The following FAM78B variants were observed in gnomAD, a reference collection of about 807,000 sequenced individuals.
FAM78B encodes protein FAM78B.
A neutral mutation model predicts 20.0 loss-of-function variants in FAM78B; 10 were observed. That is an observed-to-expected ratio of 0.50 (90% CI 0.31 to 0.85). The LOEUF is 0.85. Among genes scored for constraint, FAM78B ranks in the 40% least tolerant of loss-of-function variants. The pLI is 0.05. For missense variants in FAM78B, 283 were observed against 345.0 expected (o/e 0.82, Z 1.42); for synonymous variants, 135 against 132.8 (o/e 1.02, Z -0.12).
At chr1:166,125,436 C>G (rs1207972214) in intron 1 of FAM78B, among the ~76,000 whole-genome samples, 1 of 152,298 alleles carries the variant, frequency 6.6e-6, no homozygotes, top group African/African-American at 2.4e-5. Context: ...TCATTAAACA[C>G]GGTCCATCTT....
At chr1:166,067,216 C>T (rs185015398), downstream of FAM78B, among the ~76,000 whole-genome samples, 69 of 151,954 alleles carry the variant, frequency 4.5e-4, no homozygotes, top group Admixed American at 4.1e-3. Context: ...GGAGATGGGG[C>T]CTTCTCTTGG....
chr1:166,097,144 T>C (rs1435258127), intron 1 of FAM78B, among the ~76,000 whole-genome samples: 1 of 152,174 alleles, frequency 6.6e-6, no homozygotes, highest in Admixed American at 6.5e-5. Flanking sequence ...TTTCCGACTT[T>C]ACCTGGAGCT....
chr1:166,150,071 T>A (rs182664827), intron 1 of FAM78B, among the ~76,000 whole-genome samples: 53 of 152,328 alleles, frequency 3.5e-4, no homozygotes, highest in Non-Finnish European at 1.0e-4. Flanking sequence ...CGGACTCTGA[T>A]ACTGCATAGG....
intron 1 of FAM78B, among the ~76,000 whole-genome samples, chr1:166,102,463 G>A (rs12045964): frequency 0.2 from 29,703 of 152,002 alleles, 3,311 homozygotes; most frequent in East Asian, 0.38. Context: ...CAGGAAACCC[G>A]TCTCATCTGT....
chr1:166,058,477 A>G (rs900928860), exon 3 of FAM78B: 8 of 151,280 alleles, frequency 5.3e-5, no homozygotes, highest in Admixed American at 5.3e-4. Context: ...GAACTTACCC[A>G]CATCACAGGT....
intron 1 of FAM78B, among the ~76,000 whole-genome samples, chr1:166,129,898 GAA>G (rs1338150435): frequency 6.6e-6 from 1 of 152,194 alleles, no homozygotes; most frequent in African/African-American, 2.4e-5. Context: ...TAGGGACAAT[GAA>G]CACATTTGGC....
intron 1 of FAM78B, among the ~76,000 whole-genome samples, chr1:166,143,534 G>A (rs1338793977): frequency 6.6e-6 from 1 of 152,154 alleles, no homozygotes; most frequent in Non-Finnish European, 1.5e-5. Flanking sequence ...AAGGGAATGG[G>A]GAACCTTAGG....
intron 1 of FAM78B, among the ~76,000 whole-genome samples, chr1:166,144,382 T>C (rs902243290): frequency 2.6e-5 from 4 of 152,068 alleles, no homozygotes; most frequent in African/African-American, 9.7e-5. Context: ...TGGCAATACA[T>C]TTGTAGGAAA....
chr1:166,067,066 T>TA, downstream of FAM78B, among the ~76,000 whole-genome samples: 1 of 152,356 alleles, frequency 6.6e-6, no homozygotes, highest in East Asian at 1.9e-4. Context: ...TCTTGTTCTT[T>TA]AAAGGACGGA....
Position 166,166,848 on chromosome 1 carries a change from C to T in FAM78B, c.-600G>A. 6.6e-6 allele frequency: 1 copy of T among 151,136 alleles called. No individual in the cohort carries two copies. Among genetic ancestry groups the T allele is most frequent in the South Asian group, 2.0e-4 (1 of 5,080 alleles). 9.4% of individuals were successfully genotyped at this position (151,136 alleles called of 1,614,324 possible). A position where few individuals can be genotyped will look rare whatever the true frequency, so the allele number is the denominator to read the frequency against. On this transcript the variant is annotated 5_prime_UTR_variant, in exon 1 of 2. Transcript: ENST00000354422. ...CGGCGGCGGCGGCGACCGGAGCTCC[C>T]GCCGGCCCCGCCCCGTAGCCGGACC...
chr1:166,080,473 C>T (rs190317976), intron 1 of FAM78B, among the ~76,000 whole-genome samples: 72 of 152,318 alleles, frequency 4.7e-4, no homozygotes, highest in African/African-American at 1.7e-3. Flanking sequence ...TCATAGCTCA[C>T]ACTTAACCTG....
At chr1:166,123,868 C>T (rs760785145) in intron 1 of FAM78B, among the ~76,000 whole-genome samples, 2 of 152,190 alleles carry the variant, frequency 1.3e-5, no homozygotes, top group East Asian at 1.9e-4. Flanking sequence ...ACATTATGAT[C>T]GGCCAGCTTG....
chr1:166,124,347 T>C (rs10800194), intron 1 of FAM78B, among the ~76,000 whole-genome samples: 150,949 of 152,328 alleles, frequency 0.99, 74,801 homozygotes, highest in Middle Eastern at 1. Flanking sequence ...GTAGTTACTA[T>C]AGAATAACAC....
chr1:166,116,498 T>G (rs932999136), intron 1 of FAM78B, among the ~76,000 whole-genome samples: 2 of 152,112 alleles, frequency 1.3e-5, no homozygotes, highest in African/African-American at 4.8e-5. Flanking sequence ...AGAAGGTACT[T>G]TGGGGGAGTA....
At chr1:166,085,652 T>C (rs1385712653) in intron 1 of FAM78B, among the ~76,000 whole-genome samples, 1 of 152,204 alleles carries the variant, frequency 6.6e-6, no homozygotes, top group Non-Finnish European at 1.5e-5. Flanking sequence ...AGCCCTTCTA[T>C]CAGACAGCAT....
chr1:166,099,400 T>C (rs1653414018), intron 1 of FAM78B, among the ~76,000 whole-genome samples: 1 of 152,186 alleles, frequency 6.6e-6, no homozygotes, highest in African/African-American at 2.4e-5. Flanking sequence ...GCATGATGAA[T>C]GCAACTAGTA....
In FAM78B at chr1:166,166,262, G is replaced by A; in HGVS notation, c.-14C>T. ...GATACAGCCCATCCTGCAGCCCGGT[G>A]CCGGCACGGCGCGGCGTGGGGCAGC... On this transcript the variant is annotated 5_prime_UTR_variant, in exon 1 of 2. Coordinates refer to ENST00000354422, the MANE Select transcript of FAM78B (RefSeq NM_001017961.5). 7.3e-7 allele frequency: 1 copy of A among 1,376,254 alleles called. No individual in the cohort carries two copies. The highest frequency in any genetic ancestry group is 9.4e-7 in the Non-Finnish European group (1 of 1,058,822). 85.3% of individuals were successfully genotyped at this position (1,376,254 alleles called of 1,614,324 possible).
At chr1:166,155,520 A>G (rs1265777051) in intron 1 of FAM78B, among the ~76,000 whole-genome samples, 2 of 152,216 alleles carry the variant, frequency 1.3e-5, no homozygotes, top group Admixed American at 1.3e-4. Context: ...ACGAGCACAT[A>G]GCTGCCCATC....
At chr1:166,110,053 T>C (rs1653989940) in intron 1 of FAM78B, among the ~76,000 whole-genome samples, 2 of 150,108 alleles carry the variant, frequency 1.3e-5, no homozygotes, top group African/African-American at 2.4e-5. Flanking sequence ...CTCACTGATA[T>C]GTGGGAGCTA....
Sources: gnomAD v4.1 joint callset for allele counts (sites outside exome capture counted in the v4.1 genomes callset) on GRCh38, gnomAD v4.1.1 for gene constraint, MANE v1.5 for transcripts, NCBI Gene and HGNC (gene_info 2026-07-23, HGNC 2026-07-21) for gene names.